Variants in INPP5F observed in about 807,000 individuals in gnomAD.
INPP5F encodes inositol polyphosphate-5-phosphatase F.
A neutral mutation model predicts 137.2 loss-of-function variants in INPP5F; 97 were observed. That is an observed-to-expected ratio of 0.71 (90% CI 0.60 to 0.84). The LOEUF is 0.84. Among genes scored for constraint, INPP5F ranks in the 40% least tolerant of loss-of-function variants. INPP5F has a pLI of 0.00. For missense variants in INPP5F, 1,271 were observed against 1,371.9 expected, an observed-to-expected ratio of 0.93 and a Z score of 1.16; for synonymous variants, 504 against 476.9, an observed-to-expected ratio of 1.06 and a Z score of -0.74.
chr10:119,827,855 G>T lies in INPP5F; in HGVS notation c.*75G>T. 9.2e-7 allele frequency: 1 copy of T among 1,089,060 alleles called. No homozygotes were observed. Among genetic ancestry groups the T allele is most frequent in the Non-Finnish European group, 1.3e-6 (1 of 755,666 alleles). The allele number at this position is 1,089,060 out of a possible 1,614,324, so 67.5% of individuals were successfully genotyped here. On this transcript the variant is annotated 3_prime_UTR_variant, in exon 20 of 20. Coordinates refer to ENST00000650623, the MANE Select transcript of INPP5F (RefSeq NM_014937.4). ...TTTCACCTCTTGGGGTATTTTAATT[G>T]TACTGTCTGAACCCAGGGATCACAA...
At chr10:119,798,740 T>A in intron 9 of INPP5F, 130 bp downstream of exon 9, 1 of 415,982 alleles carries the variant, frequency 2.4e-6, no homozygotes, top group Non-Finnish European at 4.2e-6. Context: ...ACATTTAAGC[T>A]AAGAGTTTTC....
At chr10:119,806,589 T>C in intron 12 of INPP5F, 109 bp downstream of exon 12, 1 of 1,042,766 alleles carries the variant, frequency 9.6e-7, no homozygotes, top group Non-Finnish European at 1.3e-6. Context: ...CTTTACAACA[T>C]TTACAATATA....
intron 1 of INPP5F, among the ~76,000 whole-genome samples, chr10:119,738,480 T>C (rs1848278712): frequency 3.3e-5 from 5 of 152,220 alleles, no homozygotes. Context: ...GCCATTCCAG[T>C]GCCTTCTGCC....
At position 119,806,413 on chromosome 10, in the gene INPP5F, G is replaced by A; in HGVS notation, c.1373G>A (p.Cys458Tyr). The change falls in exon 12 of 20, where the codon TGT becomes TAT. Residue 458 changes from cysteine to tyrosine, a missense_variant. Coordinates refer to ENST00000650623, the MANE Select transcript of INPP5F (RefSeq NM_014937.4). ...CKQEGIFRVN[C>Y]MDCLDRTNVV... ...CAGGAAGGGATTTTTCGTGTTAATT[G>A]TATGGACTGCCTGGATCGCACCAAC... 3.1e-6 allele frequency: 5 copies of A among 1,608,922 alleles called. No individual in the cohort carries two copies. The highest frequency in any genetic ancestry group is 1.1e-5 in the South Asian group (1 of 89,916).
intron 1 of INPP5F, among the ~76,000 whole-genome samples, chr10:119,729,730 A>G (rs1039498351): frequency 2.0e-5 from 3 of 148,742 alleles, no homozygotes; most frequent in South Asian, 4.3e-4. Flanking sequence ...TGTGTGTGCT[A>G]CCACACCTGG....
intron 13 of INPP5F, among the ~76,000 whole-genome samples, chr10:119,808,605 G>A (rs901267432): frequency 9.2e-5 from 14 of 152,268 alleles, no homozygotes; most frequent in South Asian, 4.1e-4. Flanking sequence ...ACGTAAATGC[G>A]GAAGAAATGT....
At chr10:119,777,641 ATCTGTTATG>A (rs1849571150) in intron 2 of INPP5F, among the ~76,000 whole-genome samples, 1 of 152,196 alleles carries the variant, frequency 6.6e-6, no homozygotes, top group South Asian at 2.1e-4. Context: ...ACAGTTTATT[ATCTGTTATG>A]TGCTTTTTAA....
At chr10:119,773,930 ATTT>A (rs1025521186) in intron 2 of INPP5F, among the ~76,000 whole-genome samples, 7 of 152,108 alleles carry the variant, frequency 4.6e-5, no homozygotes, top group African/African-American at 1.7e-4. Context: ...TTTACTGGAT[ATTT>A]TTACGCATTT....
intron 7 of INPP5F, among the ~76,000 whole-genome samples, 169 bp downstream of exon 7, chr10:119,797,082 G>A (rs1850411110): frequency 6.6e-6 from 1 of 152,108 alleles, no homozygotes; most frequent in African/African-American, 2.4e-5. Context: ...TTTGAAGAGG[G>A]GTGAATAAGA....
chr10:119,775,047 C>T lies in INPP5F; in HGVS notation c.179-6588C>T, dbSNP rs528872183. Among the ~76,000 whole-genome samples, 13 of 152,100 alleles carry T rather than the reference C, an allele frequency of 8.5e-5. No homozygotes were observed. The East Asian group carries it at 1.5e-3, about 18-fold the overall frequency. On this transcript the variant is annotated intron_variant, in intron 2 of 19. Transcript: ENST00000650623. ...ATTTGTAAGGAAATAGATATCTACACGTCATAATCTAAGTTCTCTACCTTA... is the reference window on the plus strand; with the variant it reads ...ATTTGTAAGGAAATAGATATCTACATGTCATAATCTAAGTTCTCTACCTTA...
intron 2 of INPP5F, among the ~76,000 whole-genome samples, chr10:119,771,889 T>TATATACA (rs1564820119): frequency 2.8e-4 from 12 of 43,154 alleles, no homozygotes; most frequent in Non-Finnish European, 5.1e-4. Context: ...TATATTTTTT[T>TATATACA]TTTTTTTTTT....
At chr10:119,826,147 G>GAGAT in intron 19 of INPP5F, 1 of 396,138 alleles carries the variant, frequency 2.5e-6, no homozygotes, top group Non-Finnish European at 4.4e-6. Flanking sequence ...TTTACAGTCA[G>GAGAT]AGATGTCTTT....
In INPP5F at chr10:119,726,303, A is replaced by C; in HGVS notation, c.41A>C (p.Gln14Pro). The change falls in exon 1 of 20, where the codon CAG becomes CCG. Residue 14 changes from glutamine (Q) to proline (P), a missense_variant. Gln to Pro is a moderately conservative substitution (Grantham distance 76, BLOSUM62 -1). Around this residue, in one of 6 missense-constraint regions of INPP5F, gnomAD observed 109 missense variants for 105.1 expected, o/e 1.04. Transcript: ENST00000650623. ...GCCAAGGACCACTACATCCTGCAGCAGGGCGAGCGCGCGCTGTGGTGCAGC... is the reference window on the plus strand; with the variant it reads ...GCCAAGGACCACTACATCCTGCAGCCGGGCGAGCGCGCGCTGTGGTGCAGC... The part of the protein sequence containing the change: ...FQAKDHYILQ[Q>P]GERALWCSRR... 6.7e-7 allele frequency: 1 copy of C among 1,487,470 alleles called. No individual in the cohort carries two copies. Among genetic ancestry groups the C allele is most frequent in the Non-Finnish European group, 8.9e-7 (1 of 1,117,664 alleles). The allele number at this position is 1,487,470 out of a possible 1,614,324, so 92.1% of individuals were successfully genotyped here. A position where few individuals can be genotyped will look rare whatever the true frequency, so the allele number is the denominator to read the frequency against.
intron 2 of INPP5F, among the ~76,000 whole-genome samples, chr10:119,781,053 T>C (rs1382433278): frequency 2.6e-5 from 4 of 152,226 alleles, no homozygotes; most frequent in Non-Finnish European, 5.9e-5. Flanking sequence ...TTTTTTGTTT[T>C]TTTACAGCTG....
rs905292784 is a variant in INPP5F, at chr10:119,765,753, G to A, written c.178+14597G>A. Among the ~76,000 whole-genome samples, 7 of 143,550 alleles carry A rather than the reference G, an allele frequency of 4.9e-5. No individual in the cohort carries two copies. The East Asian group carries it at 1.4e-3, about 28-fold the overall frequency. The allele number at this position is 143,550 out of a possible 152,430, so 94.2% of individuals were successfully genotyped here. A position where few individuals can be genotyped will look rare whatever the true frequency, so the allele number is the denominator to read the frequency against. On this transcript the variant is annotated intron_variant, in intron 2 of 19. Transcript: ENST00000650623. ...GTTCAAGGGTAAACTGTGTGTGTGTGTGTGTGTGTGTGTGTGTGTGTGTGT... is the reference window on the plus strand; with the variant it reads ...GTTCAAGGGTAAACTGTGTGTGTGTATGTGTGTGTGTGTGTGTGTGTGTGT...
chr10:119,778,544 T>G (rs1849600102), intron 2 of INPP5F, among the ~76,000 whole-genome samples: 1 of 152,102 alleles, frequency 6.6e-6, no homozygotes, highest in Admixed American at 6.5e-5. Context: ...AAAGACTGGG[T>G]GTTTGCTTCT....
At chr10:119,764,300 CA>C (rs1292742131) in intron 2 of INPP5F, among the ~76,000 whole-genome samples, 1 of 152,132 alleles carries the variant, frequency 6.6e-6, no homozygotes, top group African/African-American at 2.4e-5. Context: ...TTTCCAGAAC[CA>C]ATAGTGTATA....
chr10:119,777,479 T>C (rs1188080988), intron 2 of INPP5F, among the ~76,000 whole-genome samples: 1 of 151,988 alleles, frequency 6.6e-6, no homozygotes, highest in Non-Finnish European at 1.5e-5. Flanking sequence ...TAAGCCGAGA[T>C]TGCGCCACCG....
At chr10:119,776,316 T>G (rs569225960) in intron 2 of INPP5F, among the ~76,000 whole-genome samples, 1 of 150,976 alleles carries the variant, frequency 6.6e-6, no homozygotes, top group Non-Finnish European at 1.5e-5. Flanking sequence ...TTTTCACATT[T>G]TTGTATATGA....
Sources: gnomAD v4.1 joint callset for allele counts (sites outside exome capture counted in the v4.1 genomes callset) on GRCh38, gnomAD v4.1.1 for gene constraint, gnomAD v4.1.1 regional missense constraint, MANE v1.5 for transcripts, NCBI Gene and HGNC (gene_info 2026-07-23, HGNC 2026-07-21) for gene names.